The following SGCZ variants were observed in gnomAD, a reference collection of about 807,000 sequenced individuals.
SGCZ encodes sarcoglycan zeta.
A neutral mutation model predicts 41.3 loss-of-function variants in SGCZ; 40 were observed. That is an observed-to-expected ratio of 0.97 (90% CI 0.75 to 1.26). The LOEUF is 1.26. Ranked by LOEUF, SGCZ falls within the 50% of genes most tolerant of loss-of-function variation. The pLI, the probability that SGCZ is intolerant of heterozygous loss-of-function variation, is 0.00. For synonymous variants in SGCZ, 206 were observed against 137.5 expected, an observed-to-expected ratio of 1.50 and a Z score of -3.49; for missense variants, 552 against 369.8, an observed-to-expected ratio of 1.49 and a Z score of -4.04.
intron 2 of SGCZ, among the ~76,000 whole-genome samples, chr8:14,549,718 T>TATC (rs1803742361): frequency 6.6e-6 from 1 of 152,078 alleles, no homozygotes; most frequent in South Asian, 2.1e-4. Flanking sequence ...TAGTAAATCC[T>TATC]ATCACAGGGA....
intron 1 of SGCZ, among the ~76,000 whole-genome samples, chr8:14,671,989 T>A (rs931944894): frequency 2.6e-5 from 4 of 152,088 alleles, no homozygotes; most frequent in Non-Finnish European, 5.9e-5. Flanking sequence ...GACAGCTACA[T>A]TGAAAACAGA....
At chr8:14,948,753 C>G (rs1426213919) in intron 1 of SGCZ, among the ~76,000 whole-genome samples, 1 of 152,180 alleles carries the variant, frequency 6.6e-6, no homozygotes, top group Admixed American at 6.5e-5. Flanking sequence ...TTCTTGAACT[C>G]TTTCCTATTC....
At chr8:14,770,640 A>T (rs1313548424) in intron 1 of SGCZ, among the ~76,000 whole-genome samples, 2 of 152,134 alleles carry the variant, frequency 1.3e-5, no homozygotes, top group African/African-American at 4.8e-5. Flanking sequence ...GTGTGCACAG[A>T]TGTCCATTAT....
At chr8:14,874,219 C>T (rs966228374) in intron 1 of SGCZ, among the ~76,000 whole-genome samples, 1 of 152,070 alleles carries the variant, frequency 6.6e-6, no homozygotes, top group African/African-American at 2.4e-5. Flanking sequence ...AATATTCATG[C>T]ATTTCAATAT....
intron 1 of SGCZ, among the ~76,000 whole-genome samples, chr8:15,227,771 C>T (rs183155751): frequency 1.2e-4 from 18 of 152,166 alleles, no homozygotes; most frequent in African/African-American, 4.3e-4. Flanking sequence ...TACAACTCCA[C>T]AACTCTGAAT....
chr8:14,583,782 C>G (rs1046726174), intron 1 of SGCZ, among the ~76,000 whole-genome samples: 13 of 151,844 alleles, frequency 8.6e-5, no homozygotes, highest in African/African-American at 2.9e-4. Flanking sequence ...TGCCAATCAT[C>G]TATATGATAT....
chr8:14,247,344 C>T (rs766047633), intron 3 of SGCZ, among the ~76,000 whole-genome samples: 4 of 152,066 alleles, frequency 2.6e-5, no homozygotes, highest in Non-Finnish European at 5.9e-5. Context: ...TTCTCCCAAC[C>T]GATAATACGG....
chr8:14,536,869 A>C (rs1214263317), intron 2 of SGCZ, among the ~76,000 whole-genome samples: 1 of 151,980 alleles, frequency 6.6e-6, no homozygotes, highest in African/African-American at 2.4e-5. Flanking sequence ...GTTAGTCTTC[A>C]GTGTTGAGCA....
intron 1 of SGCZ, among the ~76,000 whole-genome samples, chr8:14,671,535 G>T (rs1369917162): frequency 6.6e-6 from 1 of 152,076 alleles, no homozygotes; most frequent in Non-Finnish European, 1.5e-5. Flanking sequence ...TTTCAAGAAG[G>T]ACTTATTTTG....
At chr8:14,798,023 C>A (rs577365217) in intron 1 of SGCZ, among the ~76,000 whole-genome samples, 1 of 152,174 alleles carries the variant, frequency 6.6e-6, no homozygotes, top group East Asian at 1.9e-4. Context: ...AGGGGCGGGG[C>A]CCTCATGGAG....
intron 3 of SGCZ, among the ~76,000 whole-genome samples, chr8:14,289,902 C>T (rs1389164683): frequency 6.6e-6 from 1 of 151,632 alleles, no homozygotes; most frequent in Admixed American, 6.6e-5. Flanking sequence ...TGTAAACTTA[C>T]AGTCATACCA....
intron 4 of SGCZ, among the ~76,000 whole-genome samples, chr8:14,219,702 G>C (rs545145874): frequency 6.6e-6 from 1 of 151,554 alleles, no homozygotes; most frequent in Non-Finnish European, 1.5e-5. Flanking sequence ...AGCCGAGATC[G>C]CACCACTGCA....
At chr8:14,236,267 A>G (rs887659993) in intron 4 of SGCZ, among the ~76,000 whole-genome samples, 20 of 152,158 alleles carry the variant, frequency 1.3e-4, no homozygotes, top group African/African-American at 4.6e-4. Flanking sequence ...TGCTAATAGC[A>G]CCCCTCTATA....
chr8:14,254,185 A>G (rs1799383702), intron 3 of SGCZ, among the ~76,000 whole-genome samples: 1 of 152,124 alleles, frequency 6.6e-6, no homozygotes, highest in African/African-American at 2.4e-5. Flanking sequence ...CTAGAGGTGA[A>G]CCCTGGATTT....
intron 1 of SGCZ, among the ~76,000 whole-genome samples, chr8:14,967,024 C>T (rs551695405): frequency 6.6e-6 from 1 of 152,142 alleles, no homozygotes; most frequent in Middle Eastern, 3.4e-3. Context: ...TTTATGTATG[C>T]CAGGCACTGT....
At chr8:14,870,092 T>C (rs1483971143) in intron 1 of SGCZ, among the ~76,000 whole-genome samples, 1 of 152,140 alleles carries the variant, frequency 6.6e-6, no homozygotes, top group Non-Finnish European at 1.5e-5. Context: ...AAATTTCATA[T>C]GGAACCAAAA....
intron 2 of SGCZ, among the ~76,000 whole-genome samples, chr8:14,441,194 T>G (rs1800250723): frequency 6.6e-6 from 1 of 152,218 alleles, no homozygotes; most frequent in African/African-American, 2.4e-5. Flanking sequence ...CTTGTTTCTG[T>G]AAACTTTAAA....
At chr8:14,836,033 G>T (rs1295099953) in intron 1 of SGCZ, among the ~76,000 whole-genome samples, 1 of 152,032 alleles carries the variant, frequency 6.6e-6, no homozygotes, top group African/African-American at 2.4e-5. Context: ...GCCTTCCTTG[G>T]TAAATCTATT....
intron 3 of SGCZ, among the ~76,000 whole-genome samples, chr8:14,283,181 T>G (rs2116923283): frequency 6.6e-6 from 1 of 152,198 alleles, no homozygotes. Context: ...CTCCTTCTCT[T>G]GTCGATATAG....
Sources: gnomAD v4.1 joint callset for allele counts (sites outside exome capture counted in the v4.1 genomes callset) on GRCh38, gnomAD v4.1.1 for gene constraint, MANE v1.5 for transcripts, NCBI Gene and HGNC (gene_info 2026-07-23, HGNC 2026-07-21) for gene names.